Variants in ARMC9 observed in about 807,000 individuals in gnomAD.
ARMC9 encodes the protein lisH domain-containing protein ARMC9.
A neutral mutation model predicts 107.0 loss-of-function variants in ARMC9; 94 were observed. The observed-to-expected ratio is 0.88, with a 90% confidence interval of 0.74 to 1.04. ARMC9 has a LOEUF of 1.04. Among genes scored for constraint, ARMC9 ranks in the 50% least tolerant of loss-of-function variants. The pLI is 0.00. For missense variants in ARMC9, 942 were observed against 1,030.1 expected (o/e 0.91, Z 1.17); for synonymous variants, 380 against 396.9 (o/e 0.96, Z 0.51).
In ARMC9 at chr2:231,360,918, C is replaced by T. The variant is rs949786197; in HGVS notation, c.2261+35C>T. 5.4e-6 allele frequency: 8 copies of T among 1,481,080 alleles called. No individual in the cohort carries two copies. The highest frequency in any genetic ancestry group is 1.4e-5 in the African/African-American group (1 of 71,386). 91.7% of individuals were successfully genotyped at this position (1,481,080 alleles called of 1,614,324 possible). The stretch of plus-strand genomic sequence containing the variant: ...ATATCACAAGGCCTCGAACCTGACT[C>T]TCGGAGCTCTGGGAGTGGGCGCCCC... On this transcript the variant is annotated intron_variant, in intron 23 of 24. Transcript: ENST00000611582. The surrounding 1 kb of genome is among the most constrained non-coding windows in gnomAD (Gnocchi z 4.7).
Position 231,208,217 on chromosome 2 carries a change from G to A in ARMC9, c.142G>A (p.Gly48Arg), listed in dbSNP as rs759105498. The A allele has an allele frequency of 3.9e-5, 62 of 1,610,358 alleles. No homozygotes were observed. Among genetic ancestry groups the A allele is most frequent in the Middle Eastern group, 1.6e-4 (1 of 6,076 alleles). ...AAAACCATTGTGTAAAACAGTAGGC[G>A]GATCTTTCAGAGACTCCAAATCATT... The part of the protein sequence containing the change: ...KGKPLCKTVG[G>R]SFRDSKSLTI... Residue 48 changes from glycine to arginine, a missense_variant, in exon 3 of 25, where the codon GGA becomes AGA. Coordinates refer to ENST00000611582, the MANE Select transcript of ARMC9 (RefSeq NM_001352754.2).
At chr2:231,256,911 C>T (rs976603201) in intron 10 of ARMC9, among the ~76,000 whole-genome samples, 5 of 152,124 alleles carry the variant, frequency 3.3e-5, no homozygotes, top group South Asian at 2.1e-4. Context: ...CCAGAACCTC[C>T]GCCTCCTGGG....
At chr2:231,239,799 A>G in intron 8 of ARMC9, 144 bp from the exon 9 acceptor site, 2 of 700,840 alleles carry the variant, frequency 2.9e-6, no homozygotes, top group Non-Finnish European at 5.0e-6. Context: ...GTTAAAGCAA[A>G]TGATTATTTT....
chr2:231,237,709 T>A (rs1056879395), intron 8 of ARMC9, among the ~76,000 whole-genome samples: 3 of 146,696 alleles, frequency 2.0e-5, no homozygotes, highest in African/African-American at 7.5e-5. Flanking sequence ...TCTTTAATTA[T>A]GTATGAGGCT....
intron 12 of ARMC9, among the ~76,000 whole-genome samples, chr2:231,265,042 G>A (rs912728876): frequency 6.6e-6 from 1 of 151,886 alleles, no homozygotes; most frequent in Non-Finnish European, 1.5e-5. Flanking sequence ...AGGTTGCAGT[G>A]AGCAGAGATG....
chr2:231,248,431 A>G (rs2036969813), intron 9 of ARMC9, among the ~76,000 whole-genome samples: 4 of 152,152 alleles, frequency 2.6e-5, no homozygotes. Flanking sequence ...GCATCCGATC[A>G]TATTACTATC....
At chr2:231,259,149 T>A in intron 11 of ARMC9, 47 bp downstream of exon 11, 1 of 1,490,626 alleles carries the variant, frequency 6.7e-7, no homozygotes, top group Non-Finnish European at 9.3e-7. Flanking sequence ...AAACCAGTGC[T>A]GGTTTTCTTG....
At chr2:231,230,103 C>G (rs749151415) in intron 7 of ARMC9, among the ~76,000 whole-genome samples, 1 of 152,006 alleles carries the variant, frequency 6.6e-6, no homozygotes, top group Non-Finnish European at 1.5e-5. Flanking sequence ...GGCTCATGCC[C>G]GTAATCCCAG....
intron 9 of ARMC9, among the ~76,000 whole-genome samples, chr2:231,253,728 G>C (rs1335638269): frequency 6.6e-6 from 1 of 152,150 alleles, no homozygotes; most frequent in Non-Finnish European, 1.5e-5. Flanking sequence ...AGCACACTTT[G>C]AGTAGCAGGG....
Position 231,215,751 on chromosome 2 carries a change from T to A in ARMC9, c.348+750T>A, listed in dbSNP as rs1405389753. ...ATGGACCAAGGTGAACACATGAGAA[T>A]GTCAGAACACCAACGGTGGGGACAG... On this transcript the variant is annotated intron_variant, in intron 4 of 24. Coordinates refer to ENST00000611582, the MANE Select transcript of ARMC9 (RefSeq NM_001352754.2). Among the ~76,000 whole-genome samples, 3 of 152,310 alleles carry A rather than the reference T, an allele frequency of 2.0e-5. No individual in the cohort carries two copies. In the East Asian group the frequency reaches 5.8e-4, roughly 29 times the overall value.
intron 15 of ARMC9, 103 bp from the exon 16 acceptor site, chr2:231,278,279 C>A: frequency 8.8e-7 from 1 of 1,137,216 alleles, no homozygotes; most frequent in Non-Finnish European, 1.3e-6. Flanking sequence ...GGTCATACAG[C>A]TCATGAGCAG....
At chr2:231,363,386 G>T (rs576181607) in intron 23 of ARMC9, among the ~76,000 whole-genome samples, 2 of 152,184 alleles carry the variant, frequency 1.3e-5, no homozygotes, top group Non-Finnish European at 2.9e-5. Context: ...AGAGGTCTGG[G>T]GTCAGTGGTA....
intron 23 of ARMC9, among the ~76,000 whole-genome samples, chr2:231,366,761 A>C (rs1446539666): frequency 6.6e-6 from 1 of 150,606 alleles, no homozygotes; most frequent in Non-Finnish European, 1.5e-5. Flanking sequence ...GAATTGCTTG[A>C]ACCCATGAGG....
At chr2:231,349,606 A>G (rs2044963228) in intron 21 of ARMC9, among the ~76,000 whole-genome samples, 4 of 151,908 alleles carry the variant, frequency 2.6e-5, no homozygotes, top group Non-Finnish European at 5.9e-5. Flanking sequence ...ACGTGGTAAA[A>G]CCCTGTCTCT....
At chr2:231,350,013 A>G (rs1269419039) in intron 21 of ARMC9, among the ~76,000 whole-genome samples, 1 of 145,254 alleles carries the variant, frequency 6.9e-6, no homozygotes, top group Admixed American at 6.7e-5. Flanking sequence ...CACCTACTGT[A>G]CCCACAAACA....
At chr2:231,280,766 G>A (rs981101940) in intron 16 of ARMC9, among the ~76,000 whole-genome samples, 2 of 152,142 alleles carry the variant, frequency 1.3e-5, no homozygotes, top group Admixed American at 6.5e-5. Flanking sequence ...TGAAGAGCTG[G>A]TATAAATTGG....
At chr2:231,202,985 A>G (rs2031316239) in intron 1 of ARMC9, among the ~76,000 whole-genome samples, 1 of 152,184 alleles carries the variant, frequency 6.6e-6, no homozygotes, top group African/African-American at 2.4e-5. Context: ...CAACAGAGAG[A>G]CACAGAAACA....
intron 19 of ARMC9, among the ~76,000 whole-genome samples, 159 bp downstream of exon 19, chr2:231,296,412 G>A (rs897854814): frequency 2.0e-5 from 3 of 152,204 alleles, no homozygotes; most frequent in African/African-American, 7.2e-5. Flanking sequence ...GTGGTGGTTC[G>A]GGTCTCACTT....
intron 17 of ARMC9, among the ~76,000 whole-genome samples, chr2:231,284,105 G>A (rs1461208401): frequency 1.3e-5 from 2 of 152,166 alleles, no homozygotes; most frequent in Non-Finnish European, 2.9e-5. Flanking sequence ...GGTCCAATAA[G>A]ATTATAATAC....
Sources: gnomAD v4.1 joint callset for allele counts (sites outside exome capture counted in the v4.1 genomes callset) on GRCh38, gnomAD v4.1.1 for gene constraint, Gnocchi (gnomAD v3.1) non-coding constraint, MANE v1.5 for transcripts, NCBI Gene and HGNC (gene_info 2026-07-23, HGNC 2026-07-21) for gene names.